The following MYBPC1 variants were observed in gnomAD, a reference collection of about 807,000 sequenced individuals.
MYBPC1 encodes myosin binding protein C1, also known as myosin-binding protein C, slow-type.
Under a neutral mutation model 147.1 loss-of-function variants are expected in MYBPC1, and 52 were observed. That is an observed-to-expected ratio of 0.35 (90% CI 0.28 to 0.45). The LOEUF (loss-of-function observed/expected upper bound fraction) is 0.45, where lower values mean the gene tolerates loss of function less well. Among genes scored for constraint, MYBPC1 ranks in the 20% least tolerant of loss-of-function variants. The pLI is 1.00. For missense variants in MYBPC1, 1,228 were observed against 1,440.3 expected (o/e 0.85, Z 2.39); for synonymous variants, 477 against 475.9 (o/e 1.00, Z -0.03).
intron 1 of MYBPC1, among the ~76,000 whole-genome samples, chr12:101,603,379 CA>C (rs1469545924): frequency 6.6e-6 from 1 of 151,658 alleles, no homozygotes; most frequent in Non-Finnish European, 1.5e-5. Flanking sequence ...TCTCTCTTAT[CA>C]GGGGTGCTTT....
intron 27 of MYBPC1, 138 bp downstream of exon 27, chr12:101,677,532 T>A: frequency 2.8e-6 from 3 of 1,073,990 alleles, no homozygotes; most frequent in Non-Finnish European, 4.0e-6. Flanking sequence ...GGTGTTCAAG[T>A]AAAATTTTAA....
Position 101,682,619 on chromosome 12 carries a change from T to G in MYBPC1, c.3449T>G (p.Val1150Gly), listed in dbSNP as rs754465382. The G allele has an allele frequency of 6.2e-7, 1 of 1,612,872 alleles. No homozygotes were observed. Among genetic ancestry groups the G allele is most frequent in the East Asian group, 2.2e-5 (1 of 44,832 alleles). ...KLEVKVIYQG[V>G]NTPGQPVFLE... The stretch of plus-strand genomic sequence containing the variant: ...GATTCTGCAGTGATATATCAAGGAG[T>G]AAATACCCCTGGACAACCAGTCTTC... Residue 1150 changes from valine (V) to glycine (G), a missense_variant, in exon 30 of 32, where the codon GTA (valine) becomes GGA (glycine). By Grantham distance (109) the Val-to-Gly change is moderately radical. Around this residue, in one of 2 missense-constraint regions of MYBPC1, gnomAD observed 1,077 missense variants for 1,314.2 expected, o/e 0.82. Coordinates refer to ENST00000361466, the MANE Select transcript of MYBPC1 (RefSeq NM_002465.4).
At chr12:101,663,395 T>C in intron 21 of MYBPC1, 31 bp from the exon 22 acceptor site, 3 of 1,597,562 alleles carry the variant, frequency 1.9e-6, no homozygotes, top group Non-Finnish European at 1.7e-6. Context: ...TAGTAAATAG[T>C]TTATTCTTTT....
At chr12:101,624,305 G>A (rs1003394925) in intron 3 of MYBPC1, among the ~76,000 whole-genome samples, 8 of 152,032 alleles carry the variant, frequency 5.3e-5, no homozygotes, top group African/African-American at 1.7e-4. Context: ...AGAAATTTCA[G>A]GCCAGTGGGT....
At chr12:101,595,203 T>C in intron 1 of MYBPC1, 108 bp downstream of exon 1, 5 of 1,020,024 alleles carry the variant, frequency 4.9e-6, no homozygotes, top group Non-Finnish European at 7.5e-6. Context: ...GAAAATAAAA[T>C]CACTATGATT....
chr12:101,667,789 C>G lies in MYBPC1; in HGVS notation c.2414C>G (p.Thr805Arg), dbSNP rs774825754. The G allele has an allele frequency of 1.2e-6, 2 of 1,614,180 alleles. No homozygotes were observed. Among genetic ancestry groups the G allele is most frequent in the South Asian group, 2.2e-5 (2 of 91,084 alleles). ...DLIDKTKFTI[T>R]GLPTDAKIFV... ...ATTGACAAGACGAAGTTCACCATCA[C>G]AGGTCTGCCAACAGATGCAAAGATC... The change falls in exon 23 of 32, where the codon ACA becomes AGA. Residue 805 changes from threonine to arginine, a missense_variant. This residue lies in a region of MYBPC1 where 1,077 missense variants were observed against 1,314.2 expected (regional missense o/e 0.82). Coordinates refer to ENST00000361466, the MANE Select transcript of MYBPC1 (RefSeq NM_002465.4).
At chr12:101,645,383 G>A (rs112092782) in intron 12 of MYBPC1, among the ~76,000 whole-genome samples, 114 of 152,294 alleles carry the variant, frequency 7.5e-4, no homozygotes, top group African/African-American at 2.6e-3. Flanking sequence ...AATCCCTGAC[G>A]TCTGATGGTA....
intron 7 of MYBPC1, 149 bp downstream of exon 7, chr12:101,631,868 G>T: frequency 7.4e-7 from 1 of 1,357,156 alleles, no homozygotes; most frequent in South Asian, 1.2e-5. Flanking sequence ...TATTGCGATT[G>T]CCCGGCTGTG....
chr12:101,647,223 A>G (rs955862836), intron 13 of MYBPC1, among the ~76,000 whole-genome samples: 2 of 152,236 alleles, frequency 1.3e-5, no homozygotes, highest in African/African-American at 4.8e-5. Context: ...TTCATTAATA[A>G]GTGGTTGGTA....
At chr12:101,602,204 C>T (rs1203394637) in intron 1 of MYBPC1, among the ~76,000 whole-genome samples, 8 of 151,872 alleles carry the variant, frequency 5.3e-5, no homozygotes, top group African/African-American at 1.9e-4. Context: ...AGGTAAAGTG[C>T]TTATTTTATC....
At chr12:101,682,206 A>G (rs1406984466) in intron 29 of MYBPC1, among the ~76,000 whole-genome samples, 3 of 148,136 alleles carry the variant, frequency 2.0e-5, no homozygotes, top group Non-Finnish European at 4.5e-5. Context: ...AACAAAAACT[A>G]AAAAAAAAAG....
intron 8 of MYBPC1, among the ~76,000 whole-genome samples, 155 bp from the exon 9 acceptor site, chr12:101,634,399 T>G (rs1256730682): frequency 6.6e-6 from 1 of 152,150 alleles, no homozygotes; most frequent in Non-Finnish European, 1.5e-5. Flanking sequence ...GGAGGAGGTA[T>G]GATGAGGCCT....
At chr12:101,633,149 G>T (rs995112303) in intron 8 of MYBPC1, among the ~76,000 whole-genome samples, 2 of 152,088 alleles carry the variant, frequency 1.3e-5, no homozygotes, top group Admixed American at 6.6e-5. Flanking sequence ...GTCTTTAGCC[G>T]TGGTCACTAT....
chr12:101,629,346 A>G (rs182297810), intron 5 of MYBPC1, 88 bp from the exon 6 acceptor site: 4 of 869,742 alleles, frequency 4.6e-6, no homozygotes, highest in South Asian at 1.3e-5. Flanking sequence ...GAAAAGCTAC[A>G]GCGTTGGTGA....
intron 1 of MYBPC1, among the ~76,000 whole-genome samples, chr12:101,608,158 T>C (rs961957531): frequency 1.3e-5 from 2 of 152,204 alleles, no homozygotes; most frequent in African/African-American, 4.8e-5. Flanking sequence ...TTTGAAAGCA[T>C]TTCAGTGCTG....
At position 101,644,789 on chromosome 12, in the gene MYBPC1, A is replaced by G; in HGVS notation, c.958A>G (p.Ser320Gly). 1 of 1,613,892 alleles carries G rather than the reference A, an allele frequency of 6.2e-7. No individual in the cohort carries two copies. Among genetic ancestry groups the G allele is most frequent in the East Asian group, 2.2e-5 (1 of 44,844 alleles). ...TAAAAATGGTCAAGAAATTCGACCC[A>G]GTACCAAGTAAGTGGGCTTTGCAAA... ...WYKNGQEIRPSTKYIFEHKGC... is the reference protein window; with the variant it reads ...WYKNGQEIRPGTKYIFEHKGC... The change falls in exon 12 of 32, where the codon AGT becomes GGT. Residue 320 changes from serine to glycine, a missense_variant. By Grantham distance (56) the Ser-to-Gly change is moderately conservative. Around this residue, in one of 2 missense-constraint regions of MYBPC1, gnomAD observed 1,077 missense variants for 1,314.2 expected, o/e 0.82. Transcript: ENST00000361466.
chr12:101,687,122 G>A (rs566280833), downstream of MYBPC1, among the ~76,000 whole-genome samples: 16 of 151,888 alleles, frequency 1.1e-4, no homozygotes, highest in Admixed American at 6.6e-4. Context: ...TGTGCGCAAC[G>A]TGCAGGTTTG....
At chr12:101,597,431 A>G (rs939226890) in intron 1 of MYBPC1, among the ~76,000 whole-genome samples, 1 of 152,136 alleles carries the variant, frequency 6.6e-6, no homozygotes, top group African/African-American at 2.4e-5. Context: ...CAACTCCTCA[A>G]AAGAGGCTGA....
intron 13 of MYBPC1, among the ~76,000 whole-genome samples, chr12:101,647,512 T>C (rs1182280572): frequency 3.9e-5 from 6 of 152,216 alleles, no homozygotes; most frequent in Admixed American, 3.3e-4. Flanking sequence ...CTTGGAGAAC[T>C]GTGAAAAAAT....
Sources: gnomAD v4.1 joint callset for allele counts (sites outside exome capture counted in the v4.1 genomes callset) on GRCh38, gnomAD v4.1.1 for gene constraint, gnomAD v4.1.1 regional missense constraint, MANE v1.5 for transcripts, NCBI Gene and HGNC (gene_info 2026-07-23, HGNC 2026-07-21) for gene names.